MARCHF9: variants seen among roughly 807,000 people sequenced by gnomAD.
MARCHF9 encodes E3 ubiquitin-protein ligase MARCHF9.
Under a neutral mutation model 35.2 loss-of-function variants are expected in MARCHF9, and 17 were observed. The observed-to-expected ratio is 0.48, with a 90% confidence interval of 0.33 to 0.72. The LOEUF is 0.72. MARCHF9 is among the 30% of genes least tolerant of loss of function. MARCHF9 has a pLI of 0.02. For synonymous variants in MARCHF9, 183 were observed against 207.4 expected, an observed-to-expected ratio of 0.88 and a Z score of 1.01; for missense variants, 386 against 478.2, an observed-to-expected ratio of 0.81 and a Z score of 1.80.
chr12:57,756,155 T>G, intron 1 of MARCHF9: 3 of 213,504 alleles, frequency 1.4e-5, no homozygotes, highest in Non-Finnish European at 1.9e-5. Flanking sequence ...TCTCTCCTAT[T>G]TCCCTCGCCC....
rs951726018 is a variant in MARCHF9 at position 57,760,027 on chromosome 12, C to T, written c.*1130C>T. 1 of 152,218 alleles carries T rather than the reference C, an allele frequency of 6.6e-6. No homozygotes were observed. Among genetic ancestry groups the T allele is most frequent in the Admixed American group, 6.5e-5 (1 of 15,288 alleles). 9.4% of individuals were successfully genotyped at this position (152,218 alleles called of 1,614,324 possible). On this transcript the variant is annotated 3_prime_UTR_variant, in exon 4 of 4. Transcript: ENST00000266643. ...GGAGATCATCTGGGTTCTATCAGTC[C>T]TTCTCAAGTACTGTGCTCACCCAGA...
rs773033046 is a variant in MARCHF9, at chr12:57,758,654, G to A, written c.798G>A (p.Lys266=). ...AGTGGAAGGTCCTAAATTATGACAA[G>A]ACCAAGGACATAGGAGGAGATGCAG... ...NQQWKVLNYD[K]TKDIGGDAGG... Residue 266 remains lysine (K), a synonymous_variant, in exon 4 of 4, where the codon AAG becomes AAA. Coordinates refer to ENST00000266643, the MANE Select transcript of MARCHF9 (RefSeq NM_138396.6). The surrounding 1 kb of genome is among the most constrained non-coding windows in gnomAD (Gnocchi z 5.4). 6.8e-6 allele frequency: 11 copies of A among 1,614,050 alleles called. No homozygotes were observed. In the South Asian group the frequency reaches 1.2e-4, roughly 18 times the overall value.
chr12:57,757,678 TG>T, intron 2 of MARCHF9: 1 of 404,368 alleles, frequency 2.5e-6, no homozygotes, highest in Non-Finnish European at 4.4e-6. Flanking sequence ...AAAGAAAAAA[TG>T]ATGTTGATGA....
chr12:57,755,406 C>G lies in MARCHF9; in HGVS notation c.-123C>G, dbSNP rs1955277818. 1 of 501,918 alleles carries G rather than the reference C, an allele frequency of 2.0e-6. No individual in the cohort carries two copies. Among genetic ancestry groups the G allele is most frequent in the South Asian group, 5.8e-5 (1 of 17,244 alleles). The allele number at this position is 501,918 out of a possible 1,614,324, so 31.1% of individuals were successfully genotyped here. On this transcript the variant is annotated 5_prime_UTR_variant, in exon 1 of 4. Coordinates refer to ENST00000266643, the MANE Select transcript of MARCHF9 (RefSeq NM_138396.6). Reference sequence around the variant, plus strand: ...CAGCAGTGAACGGCTGTCGCAGGCCCCGAAGACCCCGGCCCGGCTCGGCTC... The same window carrying G: ...CAGCAGTGAACGGCTGTCGCAGGCCGCGAAGACCCCGGCCCGGCTCGGCTC...
At position 57,755,558 on chromosome 12, in the gene MARCHF9, G is replaced by T; in HGVS notation, c.30G>T (p.Leu10=). MLKSRLRMF[L]NELKLLVLTG... is the part of the protein sequence containing the mutation. Reference sequence around the variant, plus strand: ...TCAAGTCTCGGCTCCGCATGTTTCTGAACGAGCTGAAGCTGCTGGTGCTGA... The same window carrying T: ...TCAAGTCTCGGCTCCGCATGTTTCTTAACGAGCTGAAGCTGCTGGTGCTGA... The change falls in exon 1 of 4, where the codon CTG becomes CTT. Residue 10 remains leucine (L), a synonymous_variant. Transcript: ENST00000266643. 7.2e-7 allele frequency: 1 copy of T among 1,392,452 alleles called. No individual in the cohort carries two copies. Among genetic ancestry groups the T allele is most frequent in the South Asian group, 1.5e-5 (1 of 67,604 alleles). 86.3% of individuals were successfully genotyped at this position (1,392,452 alleles called of 1,614,324 possible). A position where few individuals can be genotyped will look rare whatever the true frequency, so the allele number is the denominator to read the frequency against.
chr12:57,758,803 C>A lies in MARCHF9; in HGVS notation c.947C>A (p.Thr316Lys). The change falls in exon 4 of 4, where the codon ACA (threonine) becomes AAA (lysine). Residue 316 changes from threonine (T) to lysine (K), a missense_variant. Thr to Lys is a moderately conservative substitution (Grantham distance 78). Around this residue, in one of 3 missense-constraint regions of MARCHF9, gnomAD observed 111 missense variants for 112.4 expected, o/e 0.99. Transcript: ENST00000266643. The surrounding 1 kb of genome is among the most constrained non-coding windows in gnomAD (Gnocchi z 5.4). ...CTCTTGCCTCAGCGCTGCGGTTATA[C>A]AATCTTGCACCTCCTTGGGCAGCTG... Reference protein sequence around the residue: ...RTLLPQRCGYTILHLLGQLRP... With the variant: ...RTLLPQRCGYKILHLLGQLRP... The A allele has an allele frequency of 6.2e-7, 1 of 1,613,316 alleles. No homozygotes were observed. The highest frequency in any genetic ancestry group is 8.5e-7 in the Non-Finnish European group (1 of 1,179,838).
At position 57,758,703 on chromosome 12, in the gene MARCHF9, G is replaced by A; in HGVS notation, c.847G>A (p.Gly283Ser). 2 of 1,612,098 alleles carry A rather than the reference G, an allele frequency of 1.2e-6. No individual in the cohort carries two copies. Among genetic ancestry groups the A allele is most frequent in the Non-Finnish European group, 1.7e-6 (2 of 1,179,116 alleles). ...AGGGGGAGGGACGGCAGGGAAGTCA[G>A]GCCCCAGGAACTCACGGACGGGCCC... Reference protein sequence around the residue: ...DAGGGTAGKSGPRNSRTGPTS... With the variant: ...DAGGGTAGKSSPRNSRTGPTS... Residue 283 changes from glycine (G) to serine (S), a missense_variant, in exon 4 of 4, where the codon GGC (glycine) becomes AGC (serine). Gly to Ser is a moderately conservative substitution (Grantham distance 56). This residue lies in a region of MARCHF9 where 111 missense variants were observed against 112.4 expected (regional missense o/e 0.99). Transcript: ENST00000266643. The surrounding 1 kb of genome is among the most constrained non-coding windows in gnomAD (Gnocchi z 5.4).
At chr12:57,757,212 T>A in intron 2 of MARCHF9, 128 bp downstream of exon 2, 2 of 1,010,452 alleles carry the variant, frequency 2.0e-6, no homozygotes, top group Non-Finnish European at 2.8e-6. Context: ...GTTACCACAG[T>A]CTCCCGTGTG....
At position 57,756,025 on chromosome 12, in the gene MARCHF9, G is replaced by T. The variant is rs1204851120; in HGVS notation, c.357+140G>T. On this transcript the variant is annotated intron_variant, in intron 1 of 3. Transcript: ENST00000266643. ...AGTGGGAATGGGGTGAGGCCGAGGG[G>T]CTGGCAGGGGACTCCTGGAGCGCTT... is the stretch of plus-strand genomic sequence containing the variant. The T allele has an allele frequency of 1.7e-5, 9 of 514,314 alleles. No individual in the cohort carries two copies. The Admixed American group carries it at 2.9e-4, about 17-fold the overall frequency. The allele number at this position is 514,314 out of a possible 1,614,324, so 31.9% of individuals were successfully genotyped here. A position where few individuals can be genotyped will look rare whatever the true frequency, so the allele number is the denominator to read the frequency against.
chr12:57,755,509 C>T lies in MARCHF9; in HGVS notation c.-20C>T. On this transcript the variant is annotated 5_prime_UTR_variant, in exon 1 of 4. Coordinates refer to ENST00000266643, the MANE Select transcript of MARCHF9 (RefSeq NM_138396.6). Reference sequence around the variant, plus strand: ...GCGAGCCCCCCTTGCACGCTGCCCCCCGCCCCCGGTGTCCGGACGATGCTC... The same window carrying T: ...GCGAGCCCCCCTTGCACGCTGCCCCTCGCCCCCGGTGTCCGGACGATGCTC... The T allele has an allele frequency of 1.6e-6, 2 of 1,284,926 alleles. No homozygotes were observed. Among genetic ancestry groups the T allele is most frequent in the Non-Finnish European group, 2.0e-6 (2 of 1,002,362 alleles). The allele number at this position is 1,284,926 out of a possible 1,614,324, so 79.6% of individuals were successfully genotyped here.
At chr12:57,756,481 C>A (rs1955288584) in intron 1 of MARCHF9, among the ~76,000 whole-genome samples, 1 of 152,106 alleles carries the variant, frequency 6.6e-6, no homozygotes, top group South Asian at 2.1e-4. Flanking sequence ...CTTTTTAGTA[C>A]GTGGAAACCG....
chr12:57,758,452 C>G lies in MARCHF9; in HGVS notation c.707-111C>G. The G allele has an allele frequency of 3.0e-6, 4 of 1,345,646 alleles. No homozygotes were observed. The South Asian group carries it at 5.9e-5, about 20-fold the overall frequency. The allele number at this position is 1,345,646 out of a possible 1,614,324, so 83.4% of individuals were successfully genotyped here. A position where few individuals can be genotyped will look rare whatever the true frequency, so the allele number is the denominator to read the frequency against. The stretch of plus-strand genomic sequence containing the variant: ...CCCCTCAACCCACTTCCCTGCTTCT[C>G]CAGGGCCCTTTGCAACTGTATCTTC... On this transcript the variant is annotated intron_variant, in intron 3 of 3. Transcript: ENST00000266643. The surrounding 1 kb of genome is among the most constrained non-coding windows in gnomAD (Gnocchi z 5.4).
chr12:57,755,250 A>C lies in MARCHF9; in HGVS notation c.-279A>C. ...TAACCCCGGGGGCCCGGCCCGCTCC[A>C]GACCCAGACCCGCGGGGTGCGGCAC... On this transcript the variant is annotated 5_prime_UTR_variant, in exon 1 of 4. Transcript: ENST00000266643. 5.2e-6 allele frequency: 1 copy of C among 192,064 alleles called. No homozygotes were observed. Among genetic ancestry groups the C allele is most frequent in the Non-Finnish European group, 1.0e-5 (1 of 95,542 alleles). 11.9% of individuals were successfully genotyped at this position (192,064 alleles called of 1,614,324 possible).
At chr12:57,755,934 G>T (rs1217111806) in intron 1 of MARCHF9, 49 bp downstream of exon 1, 1 of 1,345,620 alleles carries the variant, frequency 7.4e-7, no homozygotes, top group East Asian at 3.2e-5. Context: ...GCGCGCACCT[G>T]GGGTGTCAGC....
chr12:57,755,887 T>C lies in MARCHF9; in HGVS notation c.357+2T>C. 1.3e-6 allele frequency: 2 copies of C among 1,508,608 alleles called. No individual in the cohort carries two copies. Among genetic ancestry groups the C allele is most frequent in the Non-Finnish European group, 8.8e-7 (1 of 1,136,208 alleles). The allele number at this position is 1,508,608 out of a possible 1,614,324, so 93.5% of individuals were successfully genotyped here. A position where few individuals can be genotyped will look rare whatever the true frequency, so the allele number is the denominator to read the frequency against. ...ATCTGCTTCCAGGGCCCGGAGCAGGTCAGGCCTGGGCACCTGGCCGGGCGC... is the reference window on the plus strand; with the variant it reads ...ATCTGCTTCCAGGGCCCGGAGCAGGCCAGGCCTGGGCACCTGGCCGGGCGC... On this transcript the variant is annotated splice_donor_variant, in intron 1 of 3. Coordinates refer to ENST00000266643, the MANE Select transcript of MARCHF9 (RefSeq NM_138396.6). LOFTEE classifies it high-confidence loss of function.
chr12:57,758,724 G>A lies in MARCHF9; in HGVS notation c.868G>A (p.Gly290Ser), dbSNP rs1955301999. The part of the protein sequence containing the change: ...GKSGPRNSRT[G>S]PTSGATSRPP... ...GTCAGGCCCCAGGAACTCACGGACGGGCCCCACCTCTGGGGCCACGAGCCG... is the reference window on the plus strand; with the variant it reads ...GTCAGGCCCCAGGAACTCACGGACGAGCCCCACCTCTGGGGCCACGAGCCG... Residue 290 changes from glycine (G) to serine (S), a missense_variant, in exon 4 of 4, where the codon GGC (glycine) becomes AGC (serine). This residue lies in a region of MARCHF9 where 111 missense variants were observed against 112.4 expected (regional missense o/e 0.99). Transcript: ENST00000266643. This position sits in a 1 kb window ranked among gnomAD's most constrained non-coding sequence, Gnocchi z 5.4. 1.2e-6 allele frequency: 2 copies of A among 1,610,404 alleles called. No individual in the cohort carries two copies. The highest frequency in any genetic ancestry group is 1.7e-6 in the Non-Finnish European group (2 of 1,178,512).
Position 57,758,489 on chromosome 12 carries a change from A to G in MARCHF9, c.707-74A>G. 1 of 1,463,934 alleles carries G rather than the reference A, an allele frequency of 6.8e-7. No homozygotes were observed. The highest frequency in any genetic ancestry group is 9.2e-7 in the Non-Finnish European group (1 of 1,089,532). 90.7% of individuals were successfully genotyped at this position (1,463,934 alleles called of 1,614,324 possible). On this transcript the variant is annotated intron_variant, in intron 3 of 3. Transcript: ENST00000266643. The surrounding 1 kb of genome is among the most constrained non-coding windows in gnomAD (Gnocchi z 5.4). Reference sequence around the variant, plus strand: ...GCAACTGTATCTTCTCACTCTGAAGAAATGCTTGCTTAAGTACCTCTGGCC... The same window carrying G: ...GCAACTGTATCTTCTCACTCTGAAGGAATGCTTGCTTAAGTACCTCTGGCC...
At position 57,758,784 on chromosome 12, in the gene MARCHF9, C is replaced by T; in HGVS notation, c.928C>T (p.Pro310Ser). ...PAAQRMRTLL[P>S]QRCGYTILHL... The stretch of plus-strand genomic sequence containing the variant: ...TGCCCAGCGCATGCGGACGCTCTTG[C>T]CTCAGCGCTGCGGTTATACAATCTT... Residue 310 changes from proline to serine, a missense_variant, in exon 4 of 4, where the codon CCT becomes TCT. By Grantham distance (74) the Pro-to-Ser change is moderately conservative. Around this residue, in one of 3 missense-constraint regions of MARCHF9, gnomAD observed 111 missense variants for 112.4 expected, o/e 0.99. Transcript: ENST00000266643. This position sits in a 1 kb window ranked among gnomAD's most constrained non-coding sequence, Gnocchi z 5.4. 1.2e-6 allele frequency: 2 copies of T among 1,613,384 alleles called. No individual in the cohort carries two copies. The highest frequency in any genetic ancestry group is 1.7e-6 in the Non-Finnish European group (2 of 1,179,852).
At chr12:57,757,665 AG>A in intron 2 of MARCHF9, 1 of 397,416 alleles carries the variant, frequency 2.5e-6, no homozygotes, top group Non-Finnish European at 4.5e-6. Flanking sequence ...AAAAAAAAAA[AG>A]AAAAGAAAAA....
Sources: allele counts gnomAD v4.1 joint callset (sites outside exome capture counted in the v4.1 genomes callset), GRCh38; gene constraint gnomAD v4.1.1; regional missense constraint gnomAD v4.1.1; non-coding constraint Gnocchi (gnomAD v3.1); transcripts MANE v1.5; gene names NCBI Gene and HGNC (gene_info 2026-07-23, HGNC 2026-07-21).